The following ZNF407 variants were observed in gnomAD, a reference collection of about 807,000 sequenced individuals.
ZNF407 encodes the protein zinc finger protein 407.
Under a neutral mutation model 131.2 loss-of-function variants are expected in ZNF407, and 17 were observed. The observed-to-expected ratio is 0.13, with a 90% CI of 0.09 to 0.19. The LOEUF (loss-of-function observed/expected upper bound fraction) is 0.19, where lower values mean the gene tolerates loss of function less well. Among genes scored for constraint, ZNF407 ranks in the 10% least tolerant of loss-of-function variants. ZNF407 has a pLI of 1.00. For missense variants in ZNF407, 2,681 were observed against 2,830.6 expected (o/e 0.95, Z 1.20); for synonymous variants, 1,156 against 1,062.0 (o/e 1.09, Z -1.72).
chr18:74,654,638 T>A (rs2144717216), intron 3 of ZNF407, among the ~76,000 whole-genome samples: 1 of 151,954 alleles, frequency 6.6e-6, no homozygotes, highest in Admixed American at 6.5e-5. Context: ...GTAGAAAATT[T>A]ATATTAAAAA....
intron 4 of ZNF407, among the ~76,000 whole-genome samples, chr18:74,859,364 C>T (rs1278772323): frequency 2.6e-5 from 4 of 152,082 alleles, no homozygotes; most frequent in Non-Finnish European, 4.4e-5. Context: ...GGCAGTCAGA[C>T]GTTTTCAGCT....
intron 4 of ZNF407, among the ~76,000 whole-genome samples, chr18:74,872,872 G>A (rs931720435): frequency 5.9e-5 from 9 of 151,462 alleles, no homozygotes; most frequent in African/African-American, 2.2e-4. Context: ...TATGTGAGAT[G>A]TGTGCCTATT....
intron 8 of ZNF407, among the ~76,000 whole-genome samples, chr18:74,944,940 TTTG>T (rs930760543): frequency 6.6e-6 from 1 of 152,162 alleles, no homozygotes; most frequent in Non-Finnish European, 1.5e-5. Flanking sequence ...TGTGCATTTT[TTTG>T]TTGTTGTTGA....
intron 3 of ZNF407, among the ~76,000 whole-genome samples, chr18:74,768,092 A>G (rs777592129): frequency 6.6e-6 from 1 of 152,138 alleles, no homozygotes; most frequent in Non-Finnish European, 1.5e-5. Context: ...CCTATTTGCC[A>G]AATAGTATTT....
chr18:74,799,153 A>C (rs1402650153), intron 4 of ZNF407, among the ~76,000 whole-genome samples: 1 of 152,138 alleles, frequency 6.6e-6, no homozygotes, highest in Non-Finnish European at 1.5e-5. Context: ...AAATTGTTTA[A>C]ACTGTTCAAA....
At chr18:75,045,333 G>C (rs542474689) in intron 8 of ZNF407, among the ~76,000 whole-genome samples, 1 of 152,130 alleles carries the variant, frequency 6.6e-6, no homozygotes, top group Admixed American at 6.5e-5. Context: ...AATTTGCACT[G>C]TTTACATAAG....
chr18:74,644,089 G>A (rs765554815), intron 3 of ZNF407, among the ~76,000 whole-genome samples: 2 of 150,732 alleles, frequency 1.3e-5, no homozygotes, highest in African/African-American at 4.9e-5. Flanking sequence ...TTTCAAAAAT[G>A]TATTGCTTTG....
intron 3 of ZNF407, among the ~76,000 whole-genome samples, chr18:74,643,128 A>G (rs1334509063): frequency 6.6e-6 from 1 of 152,066 alleles, no homozygotes; most frequent in Non-Finnish European, 1.5e-5. Flanking sequence ...TGTAGGTTAA[A>G]AATTAAAGTA....
intron 4 of ZNF407, among the ~76,000 whole-genome samples, chr18:74,869,584 T>G (rs1568248382): frequency 6.6e-6 from 1 of 152,224 alleles, no homozygotes; most frequent in Admixed American, 6.5e-5. Flanking sequence ...AATGGACCTT[T>G]GTGTGCCTAC....
intron 1 of ZNF407, among the ~76,000 whole-genome samples, chr18:74,604,225 A>G (rs899288275): frequency 6.6e-6 from 1 of 152,202 alleles, no homozygotes; most frequent in Non-Finnish European, 1.5e-5. Context: ...GATTCAGGGA[A>G]TTCCATGAAG....
At chr18:75,027,657 G>T (rs562866844) in intron 8 of ZNF407, among the ~76,000 whole-genome samples, 1 of 152,244 alleles carries the variant, frequency 6.6e-6, no homozygotes, top group Non-Finnish European at 1.5e-5. Context: ...CTCTGATTTG[G>T]GGCAAACAGC....
In ZNF407 at chr18:75,063,003, A is replaced by G. The variant is rs1973656088; in HGVS notation, c.5429-147A>G. 2 of 713,734 alleles carry G rather than the reference A, an allele frequency of 2.8e-6. No individual in the cohort carries two copies. The highest frequency in any genetic ancestry group is 4.6e-6 in the Non-Finnish European group (2 of 436,848). 44.2% of individuals were successfully genotyped at this position (713,734 alleles called of 1,614,324 possible). On this transcript the variant is annotated intron_variant, in intron 8 of 8. Coordinates refer to ENST00000299687, the MANE Select transcript of ZNF407 (RefSeq NM_017757.3). The surrounding 1 kb of genome is among the most constrained non-coding windows in gnomAD (Gnocchi z 6.6). ...CCACGGAGGCCTCTGGCCCTGCTGA[A>G]GCTTGCACTGTAGAGAGCTCTTCAG...
chr18:75,063,764 G>C lies in ZNF407; in HGVS notation c.6043G>C (p.Gly2015Arg). The C allele has an allele frequency of 6.2e-7, 1 of 1,611,128 alleles. No homozygotes were observed. Among genetic ancestry groups the C allele is most frequent in the Non-Finnish European group, 8.5e-7 (1 of 1,179,778 alleles). Residue 2015 changes from glycine (G) to arginine (R), a missense_variant, in exon 9 of 9, where the codon GGC becomes CGC. Gly to Arg is a moderately radical substitution (Grantham distance 125). Around this residue, in one of 6 missense-constraint regions of ZNF407, gnomAD observed 620 missense variants for 583.1 expected, o/e 1.06. Coordinates refer to ENST00000299687, the MANE Select transcript of ZNF407 (RefSeq NM_017757.3). The surrounding 1 kb of genome is among the most constrained non-coding windows in gnomAD (Gnocchi z 6.6). The stretch of plus-strand genomic sequence containing the variant: ...TGGGCTCGAGGAGCAAGGCAGGCCC[G>C]GCGCCAAAGACGTGCTGATCCAGCT... ...RAGLEEQGRP[G>R]AKDVLIQLPG... is the part of the protein sequence containing the mutation.
chr18:74,847,433 T>G (rs909838248), intron 4 of ZNF407, among the ~76,000 whole-genome samples: 15 of 152,276 alleles, frequency 9.9e-5, no homozygotes, highest in Admixed American at 3.9e-4. Context: ...CGTTGAATTA[T>G]TAATTTCAGT....
intron 4 of ZNF407, among the ~76,000 whole-genome samples, chr18:74,791,368 G>A (rs1969822662): frequency 6.6e-6 from 1 of 152,124 alleles, no homozygotes; most frequent in African/African-American, 2.4e-5. Context: ...CTGCTTTTCA[G>A]GGAAATAACC....
At chr18:74,692,984 C>T (rs911309159) in intron 3 of ZNF407, among the ~76,000 whole-genome samples, 1 of 152,188 alleles carries the variant, frequency 6.6e-6, no homozygotes, top group Non-Finnish European at 1.5e-5. Flanking sequence ...CCCACATGCC[C>T]CAGTCTTTCT....
chr18:74,889,948 AC>A lies in ZNF407; in HGVS notation c.5160del (p.Phe1721LeufsTer9), dbSNP rs778480764. On this transcript the variant is annotated frameshift_variant, in exon 7 of 9. Transcript: ENST00000299687. LOFTEE classifies it high-confidence loss of function. ...AAACCTTTCAAGTGCGATGAGTGTA[AC>A]TTTGCCTCCACAACTCAGTCCCATT... is the stretch of plus-strand genomic sequence containing the variant. ...GEKPFKCDEC[N>X]FASTTQSHLT... is the part of the protein sequence containing the mutation. The A allele has an allele frequency of 6.2e-7, 1 of 1,609,864 alleles. No individual in the cohort carries two copies. Among genetic ancestry groups the A allele is most frequent in the Non-Finnish European group, 8.5e-7 (1 of 1,177,970 alleles).
intron 3 of ZNF407, among the ~76,000 whole-genome samples, chr18:74,772,421 CAG>C (rs1599141368): frequency 1.3e-5 from 2 of 152,036 alleles, no homozygotes; most frequent in East Asian, 3.9e-4. Flanking sequence ...ATGTATATGT[CAG>C]AATACAAGAA....
At chr18:74,742,899 A>G (rs1420023417) in intron 3 of ZNF407, among the ~76,000 whole-genome samples, 2 of 152,166 alleles carry the variant, frequency 1.3e-5, no homozygotes, top group African/African-American at 4.8e-5. Flanking sequence ...AACTGGTATA[A>G]TTATGGGTCT....
Sources: gnomAD v4.1 joint callset for allele counts (sites outside exome capture counted in the v4.1 genomes callset) on GRCh38, gnomAD v4.1.1 for gene constraint, gnomAD v4.1.1 regional missense constraint, Gnocchi (gnomAD v3.1) non-coding constraint, MANE v1.5 for transcripts, NCBI Gene and HGNC (gene_info 2026-07-23, HGNC 2026-07-21) for gene names.